DRC7: variants seen among roughly 807,000 people sequenced by gnomAD.
DRC7 encodes dynein regulatory complex subunit 7.
Under a neutral mutation model 104.4 loss-of-function variants are expected in DRC7, and 80 were observed. The ratio of observed to expected loss-of-function variants is 0.77; its 90% CI spans 0.64 to 0.92. DRC7 has a LOEUF of 0.92. Among genes scored for constraint, DRC7 ranks in the 40% least tolerant of loss-of-function variants. DRC7 has a pLI of 0.00. For missense variants in DRC7, 1,034 were observed against 1,141.1 expected (o/e 0.91, Z 1.35); for synonymous variants, 405 against 447.3 (o/e 0.91, Z 1.19).
chr16:57,712,771 G>T (rs369900774), intron 8 of DRC7, among the ~76,000 whole-genome samples: 2 of 151,992 alleles, frequency 1.3e-5, no homozygotes, highest in African/African-American at 4.8e-5. Flanking sequence ...GGGTTCAAGC[G>T]ATTCTCCTGG....
chr16:57,729,971 C>T (rs1177075828), intron 17 of DRC7, among the ~76,000 whole-genome samples: 7 of 92,276 alleles, frequency 7.6e-5, no homozygotes, highest in South Asian at 4.0e-4. Context: ...GATGGATGGG[C>T]GAGTGGATAG....
intron 8 of DRC7, among the ~76,000 whole-genome samples, chr16:57,712,319 A>G (rs2048798171): frequency 6.6e-6 from 1 of 152,222 alleles, no homozygotes; most frequent in African/African-American, 2.4e-5. Flanking sequence ...CAGATTATGC[A>G]GAAATTTCTA....
intron 8 of DRC7, among the ~76,000 whole-genome samples, chr16:57,713,507 T>G (rs1221419441): frequency 2.0e-5 from 3 of 152,236 alleles, no homozygotes; most frequent in Non-Finnish European, 4.4e-5. Flanking sequence ...CCTAGTAATA[T>G]TTTTCATTCT....
Position 57,724,146 on chromosome 16 carries a change from C to A in DRC7, c.1538-469C>A, listed in dbSNP as rs542364789. 7.2e-5 allele frequency among the ~76,000 whole-genome samples: 11 copies of A among 152,058 alleles called. 1 individual carries two copies. Among genetic ancestry groups the A allele is most frequent in the African/African-American group, 2.7e-4 (11 of 41,484 alleles). ...CCAACATGGTGAAACCCCGTTTCTA[C>A]TAAAAATACAAAAATTAGCCAGGTG... On this transcript the variant is annotated intron_variant, in intron 12 of 18. Transcript: ENST00000360716.
chr16:57,706,461 TC>T (rs1270942835), intron 7 of DRC7, among the ~76,000 whole-genome samples: 1 of 121,986 alleles, frequency 8.2e-6, no homozygotes, highest in Non-Finnish European at 1.7e-5. Flanking sequence ...TCTCCTCCCA[TC>T]CATCCATCCT....
intron 9 of DRC7, among the ~76,000 whole-genome samples, chr16:57,720,628 A>G (rs758436180): frequency 9.9e-5 from 15 of 152,118 alleles, no homozygotes; most frequent in Non-Finnish European, 1.3e-4. Flanking sequence ...GAACCCAGTC[A>G]TGGACCCCCA....
Position 57,707,750 on chromosome 16 carries a change from G to A in DRC7, c.1077+72G>A, listed in dbSNP as rs79419641. 2,813 of 1,398,836 alleles carry A rather than the reference G, an allele frequency of 2.0e-3. 36 individuals carry two copies. The African/African-American group carries it at 0.028, about 14-fold the overall frequency. The allele number at this position is 1,398,836 out of a possible 1,614,324, so 86.7% of individuals were successfully genotyped here. A position where few individuals can be genotyped will look rare whatever the true frequency, so the allele number is the denominator to read the frequency against. ...GTGATAGGAATAGAGGGAAGCAATGGCAGCCAGACCTTGGGGAGAGCGAGA... is the reference window on the plus strand; with the variant it reads ...GTGATAGGAATAGAGGGAAGCAATGACAGCCAGACCTTGGGGAGAGCGAGA... On this transcript the variant is annotated intron_variant, in intron 8 of 18. Coordinates refer to ENST00000360716, the MANE Select transcript of DRC7 (RefSeq NM_001289162.2).
intron 13 of DRC7, among the ~76,000 whole-genome samples, chr16:57,725,217 G>A (rs868355287): frequency 6.6e-6 from 1 of 152,136 alleles, no homozygotes; most frequent in Non-Finnish European, 1.5e-5. Context: ...GAGAGAATAA[G>A]TGCTGAGCAA....
chr16:57,730,796 TA>T, intron 17 of DRC7, 134 bp from the exon 18 acceptor site: 1 of 879,118 alleles, frequency 1.1e-6, no homozygotes, highest in Non-Finnish European at 1.8e-6. Flanking sequence ...CAGGTATGGA[TA>T]GGTGGCTTGT....
chr16:57,718,017 C>T (rs1391411394), intron 8 of DRC7, among the ~76,000 whole-genome samples: 1 of 152,208 alleles, frequency 6.6e-6, no homozygotes, highest in Non-Finnish European at 1.5e-5. Context: ...AAGCACTGCC[C>T]AGCCGATGCG....
chr16:57,705,599 TCTCCCATC>T (rs2148738915), intron 7 of DRC7, among the ~76,000 whole-genome samples: 1 of 60,058 alleles, frequency 1.7e-5, no homozygotes, highest in African/African-American at 6.5e-5. Flanking sequence ...AACCATCCAT[TCTCCCATC>T]TCTCCTCCCA....
At chr16:57,699,109 G>T (rs2148729790) in intron 4 of DRC7, 85 bp downstream of exon 4, 1 of 1,493,420 alleles carries the variant, frequency 6.7e-7, no homozygotes, top group East Asian at 2.3e-5. Context: ...GTTCTCCAAG[G>T]TCACTGGGCC....
chr16:57,698,816 T>C (rs774499396), intron 3 of DRC7, 34 bp from the exon 4 acceptor site: 5 of 1,603,332 alleles, frequency 3.1e-6, no homozygotes, highest in Non-Finnish European at 4.3e-6. Context: ...GTGCCAGGCA[T>C]GGCTTCCCTA....
chr16:57,720,408 A>G (rs1465481782), intron 9 of DRC7, among the ~76,000 whole-genome samples: 2 of 152,204 alleles, frequency 1.3e-5, no homozygotes, highest in African/African-American at 2.4e-5. Context: ...GAGACTGGGG[A>G]CATCTTGTGT....
Position 57,722,705 on chromosome 16 carries a change from G to T in DRC7, c.1280-8G>T. Reference sequence around the variant, plus strand: ...GCAAGAAGAGACCACAGCTGACTGTGTCCACAGCATTTGAGACCCGCTGCC... The same window carrying T: ...GCAAGAAGAGACCACAGCTGACTGTTTCCACAGCATTTGAGACCCGCTGCC... On this transcript the variant is annotated splice_polypyrimidine_tract_variant and splice_region_variant and intron_variant, in intron 10 of 18. Transcript: ENST00000360716. The T allele has an allele frequency of 1.2e-6, 2 of 1,613,420 alleles. No individual in the cohort carries two copies. The highest frequency in any genetic ancestry group is 1.1e-5 in the South Asian group (1 of 91,084).
chr16:57,718,583 A>G, intron 9 of DRC7, 108 bp downstream of exon 9: 1 of 1,296,300 alleles, frequency 7.7e-7, no homozygotes, highest in Non-Finnish European at 1.1e-6. Flanking sequence ...GCCCAAGTAG[A>G]CCAGTGATGG....
At chr16:57,694,883 T>A (rs1349083136) in intron 1 of DRC7, 31 bp downstream of exon 1, 1 of 152,202 alleles carries the variant, frequency 6.6e-6, no homozygotes, top group African/African-American at 2.4e-5. Flanking sequence ...TTGGGGTGGC[T>A]GGACCCTGTC....
intron 5 of DRC7, among the ~76,000 whole-genome samples, chr16:57,700,760 C>T (rs1175632941): frequency 2.6e-5 from 4 of 151,608 alleles, no homozygotes; most frequent in Admixed American, 6.6e-5. Flanking sequence ...TAGGCAGACA[C>T]ACCCAGCATA....
intron 8 of DRC7, among the ~76,000 whole-genome samples, chr16:57,710,332 A>C (rs1325798992): frequency 6.6e-6 from 1 of 152,228 alleles, no homozygotes; most frequent in Non-Finnish European, 1.5e-5. Context: ...TAGTGAATAG[A>C]AATGCAGTTG....
Sources: gnomAD v4.1 joint callset for allele counts (sites outside exome capture counted in the v4.1 genomes callset) on GRCh38, gnomAD v4.1.1 for gene constraint, MANE v1.5 for transcripts, NCBI Gene and HGNC (gene_info 2026-07-23, HGNC 2026-07-21) for gene names.